Variants in ROCK1 observed in about 807,000 individuals in gnomAD.
The protein encoded by ROCK1 is Rho associated coiled-coil containing protein kinase 1.
ROCK1 carries 36 observed loss-of-function variants against 196.8 expected under a neutral mutation model. The observed-to-expected ratio is 0.18, with a 90% CI of 0.14 to 0.24. The LOEUF (loss-of-function observed/expected upper bound fraction) is 0.24, where lower values mean the gene tolerates loss of function less well. Among genes scored for constraint, ROCK1 ranks in the 10% least tolerant of loss-of-function variants. ROCK1 has a pLI of 1.00. For missense variants in ROCK1, 920 were observed against 1,562.0 expected, an observed-to-expected ratio of 0.59 and a Z score of 6.93; for synonymous variants, 443 against 515.9, an observed-to-expected ratio of 0.86 and a Z score of 1.91.
At chr18:20,958,339 T>C (rs558643328) in intron 29 of ROCK1, among the ~76,000 whole-genome samples, 13 of 152,232 alleles carry the variant, frequency 8.5e-5, no homozygotes, top group Admixed American at 3.3e-4. Flanking sequence ...TTATTTTATA[T>C]ATATATTTCT....
At chr18:21,038,468 G>C (rs2036076272) in intron 9 of ROCK1, among the ~76,000 whole-genome samples, 1 of 152,092 alleles carries the variant, frequency 6.6e-6, no homozygotes, top group African/African-American at 2.4e-5. Flanking sequence ...TATAGTACTT[G>C]AAGGCAATAC....
intron 29 of ROCK1, among the ~76,000 whole-genome samples, chr18:20,956,617 G>C (rs2035244431): frequency 6.6e-6 from 1 of 152,012 alleles, no homozygotes; most frequent in African/African-American, 2.4e-5. Flanking sequence ...CCTATGTGGG[G>C]GGAAAAAAGC....
intron 1 of ROCK1, among the ~76,000 whole-genome samples, chr18:21,086,706 C>T (rs557586177): frequency 1.6e-4 from 24 of 150,764 alleles, no homozygotes; most frequent in African/African-American, 5.4e-4. Flanking sequence ...CAGGACACAC[C>T]CAAAGAAACC....
Position 20,968,878 on chromosome 18 carries a change from T to A in ROCK1, c.2915-18A>T. On this transcript the variant is annotated intron_variant, in intron 24 of 32. Transcript: ENST00000399799. Reference sequence around the variant, plus strand: ...TTTATATTCTGTCAACAAATTATATTAAATGTTATTGTATGGTATTAATTT... The same window carrying A: ...TTTATATTCTGTCAACAAATTATATAAAATGTTATTGTATGGTATTAATTT... 7.0e-7 allele frequency: 1 copy of A among 1,435,446 alleles called. No homozygotes were observed. The highest frequency in any genetic ancestry group is 9.8e-7 in the Non-Finnish European group (1 of 1,019,048). 88.9% of individuals were successfully genotyped at this position (1,435,446 alleles called of 1,614,324 possible).
intron 22 of ROCK1, among the ~76,000 whole-genome samples, chr18:20,973,769 T>A (rs1457923057): frequency 6.6e-6 from 1 of 151,910 alleles, no homozygotes; most frequent in Non-Finnish European, 1.5e-5. Context: ...ATTTATGACT[T>A]TTTTGTGACC....
chr18:20,959,131 T>A (rs1469012737), intron 29 of ROCK1, among the ~76,000 whole-genome samples: 5 of 50,186 alleles, frequency 1.0e-4, no homozygotes, highest in African/African-American at 5.2e-4. Flanking sequence ...ATATATATAT[T>A]ATATATATTA....
chr18:21,110,440 A>G (rs1467512405), intron 1 of ROCK1, among the ~76,000 whole-genome samples: 1 of 152,248 alleles, frequency 6.6e-6, no homozygotes, highest in Non-Finnish European at 1.5e-5. Flanking sequence ...AGTCTTTCCA[A>G]TTTAACTGTC....
intron 19 of ROCK1, among the ~76,000 whole-genome samples, chr18:20,986,652 A>C (rs2035580753): frequency 6.6e-6 from 1 of 152,186 alleles, no homozygotes. Flanking sequence ...TATAATAAAG[A>C]CTTTTTTTTT....
chr18:20,983,833 A>C (rs559752680), intron 20 of ROCK1, among the ~76,000 whole-genome samples: 7 of 152,308 alleles, frequency 4.6e-5, no homozygotes, highest in African/African-American at 1.7e-4. Context: ...GAGGAAATAA[A>C]AACACAAGAC....
chr18:21,030,988 G>A (rs565901306), intron 9 of ROCK1, among the ~76,000 whole-genome samples: 5 of 152,268 alleles, frequency 3.3e-5, no homozygotes, highest in African/African-American at 9.6e-5. Context: ...ATAAAAATTT[G>A]GCATTTAAGG....
At chr18:21,062,847 A>C (rs1368474469) in intron 2 of ROCK1, among the ~76,000 whole-genome samples, 1 of 152,188 alleles carries the variant, frequency 6.6e-6, no homozygotes, top group African/African-American at 2.4e-5. Context: ...CTAACAAGTC[A>C]GTATCCAACG....
At chr18:20,958,781 G>C (rs1405915850) in intron 29 of ROCK1, among the ~76,000 whole-genome samples, 3 of 102,320 alleles carry the variant, frequency 2.9e-5, no homozygotes, top group Non-Finnish European at 6.2e-5. Flanking sequence ...TTACTCATAA[G>C]ACATAATACA....
At chr18:21,065,545 T>A (rs1436321683) in intron 2 of ROCK1, among the ~76,000 whole-genome samples, 1 of 152,184 alleles carries the variant, frequency 6.6e-6, no homozygotes, top group African/African-American at 2.4e-5. Context: ...GTGACATCCA[T>A]AATGGTTTAT....
chr18:20,999,294 A>G (rs1451966897), intron 16 of ROCK1, among the ~76,000 whole-genome samples: 1 of 152,212 alleles, frequency 6.6e-6, no homozygotes, highest in African/African-American at 2.4e-5. Flanking sequence ...TCCCACCAAG[A>G]ACATACAAAA....
intron 29 of ROCK1, among the ~76,000 whole-genome samples, chr18:20,959,119 T>TAATATATATATTATATATATTATATAA (rs1366213393): frequency 1.8e-5 from 1 of 54,686 alleles, no homozygotes; most frequent in Non-Finnish European, 2.8e-5. Context: ...ATATATTATA[T>TAATATATATATTATATATATTATATAA]AATATATATA....
chr18:21,025,729 CTT>C (rs1384694881), intron 10 of ROCK1, among the ~76,000 whole-genome samples: 1 of 152,124 alleles, frequency 6.6e-6, no homozygotes, highest in African/African-American at 2.4e-5. Context: ...GAGTGAGACT[CTT>C]GTTTCAAAAA....
At chr18:21,045,231 A>C in intron 5 of ROCK1, 61 bp downstream of exon 5, 1 of 1,411,506 alleles carries the variant, frequency 7.1e-7, no homozygotes. Flanking sequence ...AAGAAATGTT[A>C]AAGTTATTTT....
chr18:20,991,648 T>C (rs188966931), intron 17 of ROCK1, among the ~76,000 whole-genome samples: 8 of 152,104 alleles, frequency 5.3e-5, no homozygotes, highest in Non-Finnish European at 8.8e-5. Flanking sequence ...TCTTTTTTTT[T>C]TAAAGAGATG....
chr18:21,086,761 GA>G (rs1307007720), intron 1 of ROCK1, among the ~76,000 whole-genome samples: 1,737 of 107,664 alleles, frequency 0.016, 23 homozygotes, highest in African/African-American at 0.049. Context: ...TACATCCACT[GA>G]AAAAAAAAAA....
Sources: gnomAD v4.1 joint callset for allele counts (sites outside exome capture counted in the v4.1 genomes callset) on GRCh38, gnomAD v4.1.1 for gene constraint, MANE v1.5 for transcripts, NCBI Gene and HGNC (gene_info 2026-07-23, HGNC 2026-07-21) for gene names.